The following UVRAG variants were observed in gnomAD, a reference collection of about 807,000 sequenced individuals.
UVRAG encodes the protein UV radiation resistance-associated gene protein.
Under a neutral mutation model 78.0 loss-of-function variants are expected in UVRAG, and 19 were observed. That is an observed-to-expected ratio of 0.24 (90% CI 0.17 to 0.36). The LOEUF (loss-of-function observed/expected upper bound fraction) is 0.36. UVRAG is among the 10% of genes least tolerant of loss of function. The probability of loss-of-function intolerance (pLI) is 1.00; values close to 1 mark genes in which losing one functional copy is unlikely to be tolerated. For missense variants in UVRAG, 740 were observed against 853.8 expected (o/e 0.87, Z 1.66); for synonymous variants, 323 against 324.6 (o/e 1.00, Z 0.05).
chr11:75,955,079 A>G (rs1361698350), intron 6 of UVRAG, among the ~76,000 whole-genome samples: 2 of 152,214 alleles, frequency 1.3e-5, no homozygotes, highest in African/African-American at 4.8e-5. Flanking sequence ...AAGGTAAAAA[A>G]TAATCAGGAA....
chr11:75,822,386 C>T (rs1430862881), intron 1 of UVRAG, among the ~76,000 whole-genome samples: 3 of 152,184 alleles, frequency 2.0e-5, no homozygotes, highest in Non-Finnish European at 4.4e-5. Context: ...GGCTTTTTCC[C>T]CACACACCAA....
intron 3 of UVRAG, among the ~76,000 whole-genome samples, chr11:75,862,261 G>A (rs1365056755): frequency 6.6e-6 from 1 of 152,076 alleles, no homozygotes; most frequent in African/African-American, 2.4e-5. Flanking sequence ...TTCAGATATA[G>A]TTCTTAAGAA....
chr11:75,999,306 G>A (rs1413983522), intron 8 of UVRAG, among the ~76,000 whole-genome samples: 3 of 151,512 alleles, frequency 2.0e-5, no homozygotes, highest in Admixed American at 2.0e-4. Context: ...CATACATAAA[G>A]TAAAATGTAT....
intron 13 of UVRAG, among the ~76,000 whole-genome samples, chr11:76,093,315 C>T (rs1418026663): frequency 7.2e-5 from 11 of 152,152 alleles, no homozygotes; most frequent in East Asian, 3.9e-4. Context: ...TTGTTCTTTT[C>T]GCTCAGGATT....
chr11:75,946,811 G>T (rs1263021755), intron 6 of UVRAG, among the ~76,000 whole-genome samples: 1 of 152,162 alleles, frequency 6.6e-6, no homozygotes, highest in Non-Finnish European at 1.5e-5. Flanking sequence ...CCTTTTAAGG[G>T]CTTACCTGGT....
chr11:76,043,035 A>T (rs774737223), intron 12 of UVRAG, among the ~76,000 whole-genome samples: 6 of 152,194 alleles, frequency 3.9e-5, no homozygotes, highest in Non-Finnish European at 8.8e-5. Flanking sequence ...CTGTCACTTG[A>T]GGTTAAAATG....
intron 1 of UVRAG, among the ~76,000 whole-genome samples, chr11:75,843,352 A>G (rs112035479): frequency 6.6e-6 from 1 of 152,194 alleles, no homozygotes; most frequent in Admixed American, 6.5e-5. Context: ...TTATCTTGCC[A>G]CTAAGTTAGA....
intron 1 of UVRAG, among the ~76,000 whole-genome samples, chr11:75,848,030 T>TAAA (rs1190960958): frequency 7.7e-6 from 1 of 130,530 alleles, no homozygotes. Context: ...ACTCTGTCTC[T>TAAA]AAAAAAAAAA....
Position 75,973,166 on chromosome 11 carries a change from CT to C in UVRAG, c.700-10220del, listed in dbSNP as rs887756231. Among the ~76,000 whole-genome samples the C allele has an allele frequency of 1.0e-3, 156 of 152,262 alleles. 2 individuals are homozygous for C. The highest frequency in any genetic ancestry group is 3.7e-3 in the African/African-American group (154 of 41,548). On this transcript the variant is annotated intron_variant, in intron 7 of 14. Transcript: ENST00000356136. ...TTCTTACTATTAAGTATGATGTTAG[CT>C]GTAGGTTATTTGGTAGATGTTCTTT...
chr11:75,817,933 A>G (rs1262597390), intron 1 of UVRAG, among the ~76,000 whole-genome samples: 3 of 151,482 alleles, frequency 2.0e-5, no homozygotes, highest in Non-Finnish European at 4.4e-5. Context: ...GGTGGCGCAC[A>G]TTTGTAATCC....
intron 1 of UVRAG, among the ~76,000 whole-genome samples, chr11:75,815,864 C>A (rs984146033): frequency 2.0e-5 from 3 of 152,100 alleles, no homozygotes; most frequent in African/African-American, 7.2e-5. Flanking sequence ...TCCCTCGTTC[C>A]GCCCAGGAAG....
chr11:75,864,576 G>A (rs1946497484), intron 3 of UVRAG, among the ~76,000 whole-genome samples: 1 of 152,166 alleles, frequency 6.6e-6, no homozygotes, highest in Non-Finnish European at 1.5e-5. Context: ...AGGATTTTGC[G>A]ATTTTTAAGC....
At chr11:75,903,217 G>A (rs1439786296) in intron 5 of UVRAG, among the ~76,000 whole-genome samples, 1 of 152,114 alleles carries the variant, frequency 6.6e-6, no homozygotes, top group African/African-American at 2.4e-5. Context: ...CTATCGGGTA[G>A]TTGGACAGTC....
chr11:76,029,235 A>C (rs1481154900), intron 12 of UVRAG, among the ~76,000 whole-genome samples: 3 of 152,194 alleles, frequency 2.0e-5, no homozygotes, highest in Non-Finnish European at 4.4e-5. Context: ...CTTTCAAAAT[A>C]TTACTGTTCA....
intron 14 of UVRAG, among the ~76,000 whole-genome samples, chr11:76,140,084 C>T (rs1160243112): frequency 7.2e-3 from 28 of 3,904 alleles, no homozygotes; most frequent in Non-Finnish European, 0.012. Flanking sequence ...CCTCCCTCCC[C>T]CTCTCCCCCT....
Position 76,008,791 on chromosome 11 carries a change from T to G in UVRAG, c.1000-16T>G, listed in dbSNP as rs1464526439. 2 of 1,392,726 alleles carry G rather than the reference T, an allele frequency of 1.4e-6. No individual in the cohort carries two copies. Among genetic ancestry groups the G allele is most frequent in the Non-Finnish European group, 2.0e-6 (2 of 1,024,988 alleles). The allele number at this position is 1,392,726 out of a possible 1,614,324, so 86.3% of individuals were successfully genotyped here. A position where few individuals can be genotyped will look rare whatever the true frequency, so the allele number is the denominator to read the frequency against. On this transcript the variant is annotated splice_polypyrimidine_tract_variant and intron_variant, in intron 10 of 14. Coordinates refer to ENST00000356136, the MANE Select transcript of UVRAG (RefSeq NM_003369.4). ...TTGCTTTATTTATTAATTTTATTCT[T>G]TAATTAAATTCACAGAATGAACATA... is the stretch of plus-strand genomic sequence containing the variant.
intron 1 of UVRAG, among the ~76,000 whole-genome samples, chr11:75,822,806 C>T (rs1423826725): frequency 6.6e-6 from 1 of 152,080 alleles, no homozygotes; most frequent in Non-Finnish European, 1.5e-5. Context: ...ACATGTTCAG[C>T]AACCCAGAAA....
At chr11:75,914,079 A>T (rs939110288) in intron 6 of UVRAG, 3 of 152,342 alleles carry the variant, frequency 2.0e-5, no homozygotes, top group Non-Finnish European at 2.9e-5. Flanking sequence ...TACTGAACCC[A>T]GGGAGTTGTT....
chr11:76,006,497 A>T (rs370136270), intron 9 of UVRAG, among the ~76,000 whole-genome samples: 1 of 151,682 alleles, frequency 6.6e-6, no homozygotes, highest in East Asian at 1.9e-4. Context: ...CTGTCTCTAC[A>T]AAAAATACAA....
Sources: allele counts gnomAD v4.1 joint callset (sites outside exome capture counted in the v4.1 genomes callset), GRCh38; gene constraint gnomAD v4.1.1; transcripts MANE v1.5; gene names NCBI Gene and HGNC (gene_info 2026-07-23, HGNC 2026-07-21).